TRPM3: variants seen among roughly 807,000 people sequenced by gnomAD.
TRPM3 encodes the protein transient receptor potential cation channel subfamily M member 3.
TRPM3 carries 77 observed loss-of-function variants against 181.2 expected under a neutral mutation model. That is an observed-to-expected ratio of 0.42 (90% confidence interval 0.35 to 0.51). TRPM3 has a LOEUF of 0.51. Among genes scored for constraint, TRPM3 ranks in the 20% least tolerant of loss-of-function variants. The probability of loss-of-function intolerance (pLI) is 0.01; values close to 1 mark genes in which losing one functional copy is unlikely to be tolerated. For missense variants in TRPM3, 1,759 were observed against 2,196.7 expected (o/e 0.80, Z 3.98); for synonymous variants, 745 against 796.4 (o/e 0.94, Z 1.09).
At chr9:71,413,531 T>C (rs1192536345) in intron 1 of TRPM3, among the ~76,000 whole-genome samples, 1 of 152,122 alleles carries the variant, frequency 6.6e-6, no homozygotes, top group Admixed American at 6.6e-5. Context: ...AGTTTCTTTA[T>C]ATTTGTTCAA....
chr9:70,863,202 G>A (rs2095563876), intron 2 of TRPM3, 90 bp from the exon 3 acceptor site: 1 of 1,081,176 alleles, frequency 9.2e-7, no homozygotes, highest in Non-Finnish European at 1.3e-6. Context: ...TCTATAGTCT[G>A]TGCCAACACC....
chr9:70,564,582 AGCCAGGGCC>A (rs1464261427), intron 22 of TRPM3, among the ~76,000 whole-genome samples: 1 of 152,210 alleles, frequency 6.6e-6, no homozygotes, highest in African/African-American at 2.4e-5. Context: ...AAGAGGGAAG[AGCCAGGGCC>A]CTCTTCAAGA....
intron 1 of TRPM3, among the ~76,000 whole-genome samples, chr9:70,996,628 C>T (rs911126360): frequency 2.0e-5 from 3 of 152,158 alleles, no homozygotes; most frequent in Admixed American, 1.3e-4. Context: ...TGATTTCTCA[C>T]CTTTAGATCA....
intron 1 of TRPM3, among the ~76,000 whole-genome samples, chr9:71,170,343 A>G (rs993310377): frequency 2.0e-5 from 3 of 152,198 alleles, no homozygotes; most frequent in Non-Finnish European, 4.4e-5. Flanking sequence ...AGTATTAGGA[A>G]GAACGTCTGG....
At chr9:71,046,767 A>C (rs540386163) in intron 1 of TRPM3, among the ~76,000 whole-genome samples, 1 of 152,364 alleles carries the variant, frequency 6.6e-6, no homozygotes, top group Admixed American at 6.5e-5. Context: ...ATGACTTGAA[A>C]GTGTTGTAAA....
intron 5 of TRPM3, among the ~76,000 whole-genome samples, chr9:70,839,348 GGTGA>G (rs1329117355): frequency 1.3e-5 from 2 of 152,122 alleles, no homozygotes; most frequent in African/African-American, 4.8e-5. Context: ...CCTGAAGGGA[GGTGA>G]GTGTTTCAGA....
intron 1 of TRPM3, among the ~76,000 whole-genome samples, chr9:70,979,598 T>G (rs1252186663): frequency 6.6e-6 from 1 of 152,168 alleles, no homozygotes; most frequent in African/African-American, 2.4e-5. Context: ...AATCCTTGCC[T>G]TGTGGGAGTT....
Position 70,598,689 on chromosome 9 carries a change from AGCAGAGTTAG to A in TRPM3, c.2797-29_2797-20del. On this transcript the variant is annotated intron_variant, in intron 20 of 25. Coordinates refer to ENST00000677713, the MANE Select transcript of TRPM3 (RefSeq NM_001366145.2). Reference sequence around the variant, plus strand: ...TCAGAATCTATAAGGCAGGAAGGAGAGCAGAGTTAGGTCTGGTTTCTGTCTGTATTTTCAG... The same window carrying A: ...TCAGAATCTATAAGGCAGGAAGGAGAGTCTGGTTTCTGTCTGTATTTTCAG... 1 of 1,609,764 alleles carries A rather than the reference AGCAGAGTTAG, an allele frequency of 6.2e-7. No homozygotes were observed. The highest frequency in any genetic ancestry group is 1.3e-5 in the African/African-American group (1 of 74,984).
At chr9:70,642,634 T>C (rs72720656) in intron 9 of TRPM3, among the ~76,000 whole-genome samples, 99 of 152,334 alleles carry the variant, frequency 6.5e-4, no homozygotes, top group Non-Finnish European at 1.1e-3. Context: ...GTGCTTCCAA[T>C]GTGCAGCCAA....
chr9:71,257,901 T>G (rs191599711), intron 1 of TRPM3, among the ~76,000 whole-genome samples: 25 of 152,318 alleles, frequency 1.6e-4, no homozygotes, highest in Admixed American at 8.5e-4. Context: ...TGAAGTGATA[T>G]TTCTTTATCA....
intron 6 of TRPM3, among the ~76,000 whole-genome samples, chr9:70,806,280 CAAAAAAGAA>C (rs2090655169): frequency 7.1e-6 from 1 of 140,418 alleles, no homozygotes; most frequent in African/African-American, 2.9e-5. Flanking sequence ...CTATGGGTGC[CAAAAAAGAA>C]AAAAAAATCA....
chr9:71,252,845 C>CTT (rs1456725350), intron 1 of TRPM3, among the ~76,000 whole-genome samples: 1 of 57,466 alleles, frequency 1.7e-5, no homozygotes. Context: ...CTAATTTTGT[C>CTT]TCTTTTTTTT....
intron 1 of TRPM3, among the ~76,000 whole-genome samples, chr9:71,346,167 T>G (rs187665271): frequency 3.3e-5 from 5 of 152,332 alleles, no homozygotes; most frequent in Admixed American, 3.3e-4. Context: ...ATATGACATA[T>G]TCATACAATG....
intron 7 of TRPM3, among the ~76,000 whole-genome samples, chr9:70,781,595 A>G (rs1464773845): frequency 6.6e-6 from 1 of 152,116 alleles, no homozygotes; most frequent in Non-Finnish European, 1.5e-5. Context: ...TCACTGAAGT[A>G]CTATATGAGG....
chr9:70,536,156 C>T lies in TRPM3; in HGVS notation c.4957G>A (p.Glu1653Lys). 6.2e-7 allele frequency: 1 copy of T among 1,614,238 alleles called. No homozygotes were observed. Among genetic ancestry groups the T allele is most frequent in the Middle Eastern group, 1.6e-4 (1 of 6,062 alleles). ...KIERANSYSA[E>K]EPSAPYAHTR... ...TGTGCATATGGCGCACTTGGCTCCT[C>T]TGCCGAGTAGCTGTTGGCGCGCTCT... is the stretch of plus-strand genomic sequence containing the variant. The change falls in exon 26 of 26, where the codon GAG becomes AAG. Residue 1653 changes from glutamate (E) to lysine (K), a missense_variant. Glu to Lys is a moderately conservative substitution (Grantham distance 56). This residue lies in a region of TRPM3 where 612 missense variants were observed against 590.0 expected (regional missense o/e 1.04). Coordinates refer to ENST00000677713, the MANE Select transcript of TRPM3 (RefSeq NM_001366145.2).
At chr9:70,943,302 A>C (rs931208175) in intron 1 of TRPM3, among the ~76,000 whole-genome samples, 1 of 152,238 alleles carries the variant, frequency 6.6e-6, no homozygotes, top group Non-Finnish European at 1.5e-5. Flanking sequence ...AACTCTCAAA[A>C]CTTGGCTGAT....
chr9:70,876,314 C>T (rs1589457872), intron 1 of TRPM3, among the ~76,000 whole-genome samples: 1 of 148,196 alleles, frequency 6.7e-6, no homozygotes, highest in African/African-American at 2.5e-5. Flanking sequence ...CATATATAGA[C>T]ATATATATAT....
At chr9:70,991,031 G>GCTCA (rs992050114) in intron 1 of TRPM3, among the ~76,000 whole-genome samples, 3 of 152,172 alleles carry the variant, frequency 2.0e-5, no homozygotes, top group African/African-American at 7.2e-5. Flanking sequence ...TAAAGGAACT[G>GCTCA]CTCAGTTGTA....
At chr9:70,892,570 ACTT>A (rs2096223133) in intron 1 of TRPM3, among the ~76,000 whole-genome samples, 1 of 150,338 alleles carries the variant, frequency 6.7e-6, no homozygotes, top group East Asian at 1.9e-4. Flanking sequence ...ATACATTGCT[ACTT>A]CTTTAGGTTC....
Sources: gnomAD v4.1 joint callset for allele counts (sites outside exome capture counted in the v4.1 genomes callset) on GRCh38, gnomAD v4.1.1 for gene constraint, gnomAD v4.1.1 regional missense constraint, MANE v1.5 for transcripts, NCBI Gene and HGNC (gene_info 2026-07-23, HGNC 2026-07-21) for gene names.